Variants in COPG2 observed in about 807,000 individuals in gnomAD.
COPG2 encodes the protein coat protein complex I subunit gamma 2.
A neutral mutation model predicts 46.3 loss-of-function variants in COPG2; 37 were observed. That is an observed-to-expected ratio of 0.80 (90% CI 0.61 to 1.05). COPG2 has a LOEUF of 1.05. Ranked by LOEUF, COPG2 falls within the 50% of genes least tolerant of loss-of-function variation. The probability of loss-of-function intolerance (pLI) is 0.00; values close to 1 mark genes in which losing one functional copy is unlikely to be tolerated. For synonymous variants in COPG2, 159 were observed against 129.7 expected (o/e 1.23, Z -1.53); for missense variants, 427 against 387.8 (o/e 1.10, Z -0.85).
chr7:130,631,758 A>C (rs1795237887), intron 5 of COPG2, among the ~76,000 whole-genome samples: 1 of 152,198 alleles, frequency 6.6e-6, no homozygotes, highest in Admixed American at 6.5e-5. Flanking sequence ...TTCTTTAAGC[A>C]GTCAATTAAC....
intron 9 of COPG2, among the ~76,000 whole-genome samples, chr7:130,594,099 A>ATTTT (rs1794481248): frequency 6.6e-6 from 1 of 152,222 alleles, no homozygotes; most frequent in Non-Finnish European, 1.5e-5. Context: ...ACAAAGCAGA[A>ATTTT]AACCAAGTTA....
At chr7:130,647,303 C>T (rs1795631749) in intron 5 of COPG2, among the ~76,000 whole-genome samples, 1 of 152,134 alleles carries the variant, frequency 6.6e-6, no homozygotes, top group African/African-American at 2.4e-5. Context: ...ACCCATAGTG[C>T]TGGGATTACA....
chr7:130,637,359 CCAAT>C (rs782375306), intron 5 of COPG2, among the ~76,000 whole-genome samples: 4 of 151,922 alleles, frequency 2.6e-5, no homozygotes. Context: ...TTCAGGTACG[CCAAT>C]CAAACGTAGG....
rs566022424 is a variant in COPG2, at chr7:130,613,186, C to A, written c.492+358G>T. ...ACCTCAGATCATTAGGCATTAGATT[C>A]TCATATGAGGCCGGCAACCTAGATC... On this transcript the variant is annotated intron_variant, in intron 7 of 23. Coordinates refer to ENST00000425248, the MANE Select transcript of COPG2 (RefSeq NM_012133.6). Among the ~76,000 whole-genome samples the A allele has an allele frequency of 1.2e-4, 18 of 152,256 alleles. 1 individual carries two copies. In the South Asian group the frequency reaches 3.5e-3, roughly 30 times the overall value.
Position 130,638,747 on chromosome 7 carries a change from C to T in COPG2, c.323+14122G>A, listed in dbSNP as rs1358369900. ...TCCAGAAGAGTGAACAGTTCTGTCT[C>T]GCTGGCATTCCAGGCGCCACTGAGG... is the stretch of plus-strand genomic sequence containing the variant. On this transcript the variant is annotated intron_variant, in intron 5 of 23. Coordinates refer to ENST00000425248, the MANE Select transcript of COPG2 (RefSeq NM_012133.6). 5.3e-5 allele frequency among the ~76,000 whole-genome samples: 8 copies of T among 151,982 alleles called. No homozygotes were observed. In the South Asian group the frequency reaches 6.3e-4, roughly 12 times the overall value.
intron 20 of COPG2, among the ~76,000 whole-genome samples, chr7:130,524,531 A>G (rs1799756163): frequency 6.6e-6 from 1 of 152,100 alleles, no homozygotes. Context: ...GGAGCAGGCA[A>G]TGGAGCCCAG....
chr7:130,630,553 T>C (rs1424129893), intron 5 of COPG2, among the ~76,000 whole-genome samples: 1 of 152,224 alleles, frequency 6.6e-6, no homozygotes, highest in Non-Finnish European at 1.5e-5. Context: ...ACTTGCTCTA[T>C]GTTTTTGAGA....
At chr7:130,540,380 G>T (rs1399343527) in intron 20 of COPG2, among the ~76,000 whole-genome samples, 1 of 151,996 alleles carries the variant, frequency 6.6e-6, no homozygotes, top group Non-Finnish European at 1.5e-5. Flanking sequence ...GTTTCTGCAG[G>T]CCGATCTTGT....
intron 20 of COPG2, among the ~76,000 whole-genome samples, chr7:130,525,458 T>C (rs1473715024): frequency 2.0e-5 from 3 of 152,158 alleles, no homozygotes; most frequent in Admixed American, 2.0e-4. Context: ...CATGGTAAGA[T>C]GGCACTGGGC....
chr7:130,592,375 GAGAAACACCCA>G (rs1214607217), intron 9 of COPG2, among the ~76,000 whole-genome samples: 3 of 132,696 alleles, frequency 2.3e-5, no homozygotes, highest in Admixed American at 7.7e-5. Context: ...CCCCCTCTGC[GAGAAACACCCA>G]AGAATGATCA....
intron 20 of COPG2, among the ~76,000 whole-genome samples, chr7:130,525,960 A>ACCTGGACAGCCTAAATGAGTGC (rs1799770401): frequency 6.6e-6 from 1 of 152,122 alleles, no homozygotes; most frequent in Non-Finnish European, 1.5e-5. Flanking sequence ...GAAATGAGTG[A>ACCTGGACAGCCTAAATGAGTGC]CCTGGACAGC....
chr7:130,660,351 T>C (rs1248305793), intron 4 of COPG2, among the ~76,000 whole-genome samples: 5 of 152,168 alleles, frequency 3.3e-5, no homozygotes, highest in Admixed American at 6.5e-5. Context: ...TCTGACACTT[T>C]CATCAGCAAA....
intron 21 of COPG2, chr7:130,508,028 A>G: frequency 3.7e-6 from 2 of 535,042 alleles, no homozygotes; most frequent in Admixed American, 3.4e-5. Context: ...CCTCAGATCA[A>G]CATCTGTAGC....
chr7:130,625,596 T>C (rs1482499051), intron 5 of COPG2, among the ~76,000 whole-genome samples: 2 of 152,030 alleles, frequency 1.3e-5, no homozygotes, highest in African/African-American at 4.8e-5. Flanking sequence ...TTTCAAAGAC[T>C]ACAAATTTGT....
intron 5 of COPG2, among the ~76,000 whole-genome samples, chr7:130,638,719 C>G (rs1478308792): frequency 9.9e-6 from 1 of 100,510 alleles, no homozygotes; most frequent in Admixed American, 8.7e-5. Flanking sequence ...CTTCAGCCCC[C>G]TTTCCAGAAG....
intron 20 of COPG2, among the ~76,000 whole-genome samples, chr7:130,522,880 G>A (rs1799735832): frequency 6.6e-6 from 1 of 151,390 alleles, no homozygotes; most frequent in Non-Finnish European, 1.5e-5. Flanking sequence ...AGGCTTGGGA[G>A]GCCAAGGTGG....
At chr7:130,604,775 G>T (rs1794698188) in intron 9 of COPG2, 1 of 504,074 alleles carries the variant, frequency 2.0e-6, no homozygotes. Context: ...GCTTTTAATA[G>T]TCCACCAATA....
chr7:130,546,495 G>A (rs1793445520), intron 20 of COPG2, among the ~76,000 whole-genome samples: 1 of 152,150 alleles, frequency 6.6e-6, no homozygotes, highest in East Asian at 1.9e-4. Flanking sequence ...AATATTGGAG[G>A]CCAGATAGGA....
chr7:130,645,274 G>C (rs1010658553), intron 5 of COPG2: 4 of 645,772 alleles, frequency 6.2e-6, no homozygotes, highest in Non-Finnish European at 1.2e-5. Context: ...TATTACCTGG[G>C]GGGCCACAAA....
Sources: gnomAD v4.1 joint callset for allele counts (sites outside exome capture counted in the v4.1 genomes callset) on GRCh38, gnomAD v4.1.1 for gene constraint, MANE v1.5 for transcripts, NCBI Gene and HGNC (gene_info 2026-07-23, HGNC 2026-07-21) for gene names.